The following ZNF382 variants were observed in gnomAD, a reference collection of about 807,000 sequenced individuals.
The protein encoded by ZNF382 is zinc finger protein 382, also known as KRAB/zinc finger suppressor protein 1.
ZNF382 carries 20 observed loss-of-function variants against 38.8 expected under a neutral mutation model. That is an observed-to-expected ratio of 0.51 (90% confidence interval 0.36 to 0.75). The LOEUF is 0.75. Among genes scored for constraint, ZNF382 ranks in the 30% least tolerant of loss-of-function variants. The pLI, the probability that ZNF382 is intolerant of heterozygous loss-of-function variation, is 0.00. For missense variants in ZNF382, 546 were observed against 654.1 expected, an observed-to-expected ratio of 0.83 and a Z score of 1.80; for synonymous variants, 202 against 223.1, an observed-to-expected ratio of 0.91 and a Z score of 0.84.
intron 4 of ZNF382, among the ~76,000 whole-genome samples, chr19:36,617,614 A>G (rs1459342190): frequency 6.6e-6 from 1 of 152,178 alleles, no homozygotes; most frequent in Non-Finnish European, 1.5e-5. Flanking sequence ...GACTGCTACA[A>G]TGGGGTTTTG....
At chr19:36,606,000 C>G (rs77050775) in intron 1 of ZNF382, among the ~76,000 whole-genome samples, 1,525 of 152,184 alleles carry the variant, frequency 0.01, 33 homozygotes, top group African/African-American at 0.035. Context: ...GACTGTGACT[C>G]TGCATGTGTT....
chr19:36,631,876 T>C lies in ZNF382; in HGVS notation c.*4326T>C, dbSNP rs1375662421. The C allele has an allele frequency of 2.5e-4, 38 of 152,316 alleles. No homozygotes were observed. The highest frequency in any genetic ancestry group is 2.5e-3 in the Admixed American group (38 of 15,300). The allele number at this position is 152,316 out of a possible 1,614,324, so 9.4% of individuals were successfully genotyped here. A position where few individuals can be genotyped will look rare whatever the true frequency, so the allele number is the denominator to read the frequency against. On this transcript the variant is annotated 3_prime_UTR_variant, in exon 5 of 5. Transcript: ENST00000292928. The stretch of plus-strand genomic sequence containing the variant: ...CATATACGACAAAATAGGAGTGATT[T>C]TACAAATTCATATTTTGTAGACCTA...
intron 4 of ZNF382, among the ~76,000 whole-genome samples, chr19:36,618,208 A>G (rs1210480143): frequency 6.6e-6 from 1 of 152,188 alleles, no homozygotes; most frequent in African/African-American, 2.4e-5. Context: ...CTCTTTTATT[A>G]TAACATTTCC....
chr19:36,626,034 C>T (rs566043287), intron 4 of ZNF382, 96 bp from the exon 5 acceptor site: 23 of 802,888 alleles, frequency 2.9e-5, no homozygotes, highest in Non-Finnish European at 4.0e-5. Flanking sequence ...TTGTAGATCA[C>T]GGTAGTGAGA....
chr19:36,610,003 C>T lies in ZNF382; in HGVS notation c.89C>T (p.Ala30Val), dbSNP rs1249156925. ...EWQQLDPAQK[A>V]LYRDVMLENY... Reference sequence around the variant, plus strand: ...CAGCAACTAGACCCTGCTCAGAAGGCGCTTTACAGGGATGTGATGTTGGAA... The same window carrying T: ...CAGCAACTAGACCCTGCTCAGAAGGTGCTTTACAGGGATGTGATGTTGGAA... Residue 30 changes from alanine (A) to valine (V), a missense_variant, in exon 3 of 5, where the codon GCG becomes GTG. Coordinates refer to ENST00000292928, the MANE Select transcript of ZNF382 (RefSeq NM_032825.5). 7 of 1,613,810 alleles carry T rather than the reference C, an allele frequency of 4.3e-6. No individual in the cohort carries two copies. The highest frequency in any genetic ancestry group is 2.2e-5 in the East Asian group (1 of 44,870).
chr19:36,611,737 G>A (rs1215196106), intron 4 of ZNF382, among the ~76,000 whole-genome samples: 3 of 152,134 alleles, frequency 2.0e-5, no homozygotes, highest in African/African-American at 4.8e-5. Context: ...TTCTATAGCA[G>A]CTGCATCATT....
chr19:36,616,408 A>T (rs2037126462), intron 4 of ZNF382, among the ~76,000 whole-genome samples: 1 of 152,202 alleles, frequency 6.6e-6, no homozygotes, highest in Admixed American at 6.5e-5. Context: ...TACCATCTAG[A>T]GGTAAGAAAA....
intron 4 of ZNF382, among the ~76,000 whole-genome samples, chr19:36,623,004 T>A (rs897949290): frequency 3.9e-5 from 6 of 152,280 alleles, no homozygotes; most frequent in Non-Finnish European, 7.4e-5. Flanking sequence ...TCTGATATGA[T>A]CTAGTAATTT....
At position 36,634,114 on chromosome 19, in the gene ZNF382, A is replaced by G. The variant is rs912468174; in HGVS notation, c.*6564A>G. The G allele has an allele frequency of 2.0e-5, 3 of 152,190 alleles. No individual in the cohort carries two copies. Among genetic ancestry groups the G allele is most frequent in the Admixed American group, 6.5e-5 (1 of 15,280 alleles). 9.4% of individuals were successfully genotyped at this position (152,190 alleles called of 1,614,324 possible). A position where few individuals can be genotyped will look rare whatever the true frequency, so the allele number is the denominator to read the frequency against. ...AAATAAAAATCCCTAGCTCTGCTTC[A>G]TCAGCAGCAGTACCTCCTGATTTGT... On this transcript the variant is annotated 3_prime_UTR_variant, in exon 5 of 5. Coordinates refer to ENST00000292928, the MANE Select transcript of ZNF382 (RefSeq NM_032825.5).
At chr19:36,606,768 C>CT (rs1288577091) in intron 1 of ZNF382, among the ~76,000 whole-genome samples, 4 of 152,078 alleles carry the variant, frequency 2.6e-5, no homozygotes, top group Admixed American at 1.3e-4. Context: ...TCCAGTCTCA[C>CT]TGTAGTAATT....
Position 36,607,710 on chromosome 19 carries a change from T to C in ZNF382, c.-14+88T>C, listed in dbSNP as rs527800032. ...CACTGTCCTTTAACCTTCCCTGATA[T>C]TGGGATTTGCTTCCATGAAATTAGT... is the stretch of plus-strand genomic sequence containing the variant. On this transcript the variant is annotated intron_variant, in intron 2 of 4. Coordinates refer to ENST00000292928, the MANE Select transcript of ZNF382 (RefSeq NM_032825.5). The C allele has an allele frequency of 2.0e-4, 265 of 1,313,546 alleles. No individual in the cohort carries two copies. In the Admixed American group the frequency reaches 6.8e-3, roughly 34 times the overall value. 81.4% of individuals were successfully genotyped at this position (1,313,546 alleles called of 1,614,324 possible). A position where few individuals can be genotyped will look rare whatever the true frequency, so the allele number is the denominator to read the frequency against.
chr19:36,626,092 A>C, intron 4 of ZNF382, 38 bp from the exon 5 acceptor site: 7 of 1,447,094 alleles, frequency 4.8e-6, no homozygotes, highest in Non-Finnish European at 6.4e-6. Flanking sequence ...CATAGCATTT[A>C]TGTGAAGACT....
rs2037271101 is a variant in ZNF382 at position 36,634,044 on chromosome 19, A to G, written c.*6494A>G. On this transcript the variant is annotated 3_prime_UTR_variant, in exon 5 of 5. Coordinates refer to ENST00000292928, the MANE Select transcript of ZNF382 (RefSeq NM_032825.5). The stretch of plus-strand genomic sequence containing the variant: ...CTATGCATGTGTAAAAAATAGAAGT[A>G]TACATACAAAAAAGTGAATTGTACT... 1 of 152,178 alleles carries G rather than the reference A, an allele frequency of 6.6e-6. No individual in the cohort carries two copies. The highest frequency in any genetic ancestry group is 6.5e-5 in the Admixed American group (1 of 15,268). 9.4% of individuals were successfully genotyped at this position (152,178 alleles called of 1,614,324 possible).
intron 4 of ZNF382, among the ~76,000 whole-genome samples, chr19:36,614,924 C>T (rs2037111625): frequency 1.8e-5 from 1 of 56,244 alleles, no homozygotes; most frequent in East Asian, 3.2e-4. Flanking sequence ...CTTCCCTTTC[C>T]CTTTCCCTTT....
At chr19:36,607,661 T>C (rs1287846056) in intron 2 of ZNF382, 39 bp downstream of exon 2, 6 of 1,502,576 alleles carry the variant, frequency 4.0e-6, no homozygotes, top group Non-Finnish European at 5.3e-6. Flanking sequence ...ATAACTTTTT[T>C]TCATGGTGTA....
At chr19:36,619,517 G>A (rs1262909650) in intron 4 of ZNF382, among the ~76,000 whole-genome samples, 1 of 152,078 alleles carries the variant, frequency 6.6e-6, no homozygotes, top group African/African-American at 2.4e-5. Context: ...TCTGCAGCTG[G>A]GTGTCTCTGC....
chr19:36,626,816 A>G lies in ZNF382; in HGVS notation c.919A>G (p.Arg307Gly). 6.2e-7 allele frequency: 1 copy of G among 1,614,266 alleles called. No homozygotes were observed. The highest frequency in any genetic ancestry group is 8.5e-7 in the Non-Finnish European group (1 of 1,180,054). The change falls in exon 5 of 5, where the codon AGG (arginine) becomes GGG (glycine). Residue 307 changes from arginine (R) to glycine (G), a missense_variant. Coordinates refer to ENST00000292928, the MANE Select transcript of ZNF382 (RefSeq NM_032825.5). ...HCPYCGNNFR[R>G]KSYLIEHQRI... is the part of the protein sequence containing the mutation. ...TCCTTACTGTGGGAATAACTTTAGAAGGAAGTCATACCTCATTGAACATCA... is the reference window on the plus strand; with the variant it reads ...TCCTTACTGTGGGAATAACTTTAGAGGGAAGTCATACCTCATTGAACATCA...
intron 4 of ZNF382, among the ~76,000 whole-genome samples, chr19:36,613,636 A>G (rs2145318026): frequency 6.6e-6 from 1 of 151,656 alleles, no homozygotes; most frequent in South Asian, 2.1e-4. Context: ...GATGGGGTTT[A>G]TCCTTGTTGG....
At position 36,632,701 on chromosome 19, in the gene ZNF382, G is replaced by T. The variant is rs965639552; in HGVS notation, c.*5151G>T. On this transcript the variant is annotated 3_prime_UTR_variant, in exon 5 of 5. Coordinates refer to ENST00000292928, the MANE Select transcript of ZNF382 (RefSeq NM_032825.5). ...AGTCAGAGCCAGACATCTGGGCATC[G>T]TGGAGATAATTTTAGAGCTTTGCAG... The T allele has an allele frequency of 6.6e-6, 1 of 152,230 alleles. No homozygotes were observed. Among genetic ancestry groups the T allele is most frequent in the Non-Finnish European group, 1.5e-5 (1 of 68,046 alleles). The allele number at this position is 152,230 out of a possible 1,614,324, so 9.4% of individuals were successfully genotyped here.
Sources: gnomAD v4.1 joint callset for allele counts (sites outside exome capture counted in the v4.1 genomes callset) on GRCh38, gnomAD v4.1.1 for gene constraint, MANE v1.5 for transcripts, NCBI Gene and HGNC (gene_info 2026-07-23, HGNC 2026-07-21) for gene names.